The following DNAH12 variants were observed in gnomAD, a reference collection of about 807,000 sequenced individuals.
DNAH12 encodes axonemal beta dynein heavy chain 12.
Under a neutral mutation model 371.5 loss-of-function variants are expected in DNAH12, and 285 were observed. That is an observed-to-expected ratio of 0.77 (90% CI 0.70 to 0.85). The LOEUF (loss-of-function observed/expected upper bound fraction) is 0.85, where lower values mean the gene tolerates loss of function less well. Among genes scored for constraint, DNAH12 ranks in the 40% least tolerant of loss-of-function variants. The pLI is 0.00. For missense variants in DNAH12, 3,611 were observed against 3,689.4 expected (o/e 0.98, Z 0.55); for synonymous variants, 1,200 against 1,213.0 (o/e 0.99, Z 0.22).
chr3:57,450,597 C>T (rs2065730391), intron 25 of DNAH12, among the ~76,000 whole-genome samples: 1 of 152,168 alleles, frequency 6.6e-6, no homozygotes, highest in Admixed American at 6.6e-5. Flanking sequence ...AGTTGTTAGC[C>T]CCCACCTTAC....
intron 58 of DNAH12, among the ~76,000 whole-genome samples, chr3:57,361,121 G>A (rs1417881463): frequency 2.6e-5 from 4 of 151,738 alleles, no homozygotes; most frequent in East Asian, 1.9e-4. Context: ...AGGCCGAGAC[G>A]GGTAGATCAC....
At chr3:57,307,345 T>G (rs1228069636) in intron 69 of DNAH12, among the ~76,000 whole-genome samples, 2 of 152,160 alleles carry the variant, frequency 1.3e-5, no homozygotes, top group African/African-American at 4.8e-5. Context: ...TGAAGACAGC[T>G]TTAGAGACTG....
At position 57,295,508 on chromosome 3, in the gene DNAH12, G is replaced by A. The variant is rs1667284843; in HGVS notation, c.11692+17C>T. 6.5e-7 allele frequency: 1 copy of A among 1,542,394 alleles called. No individual in the cohort carries two copies. The highest frequency in any genetic ancestry group is 2.0e-5 in the Admixed American group (1 of 49,572). On this transcript the variant is annotated intron_variant, in intron 73 of 73. Transcript: ENST00000495027. ...TCTCCCTAAACTTCAAATAAATTTT[G>A]TTGAGAGAATATTTACTTGGTTTTA...
chr3:57,488,300 C>A (rs946530534), intron 12 of DNAH12, among the ~76,000 whole-genome samples: 25 of 152,286 alleles, frequency 1.6e-4, no homozygotes, highest in African/African-American at 6.0e-4. Context: ...TCAAGCGATT[C>A]TCCTGCCTCA....
chr3:57,449,423 C>CAGT, intron 25 of DNAH12, among the ~76,000 whole-genome samples: 1 of 152,112 alleles, frequency 6.6e-6, no homozygotes, highest in Non-Finnish European at 1.5e-5. Context: ...AGGCTCCGGC[C>CAGT]GCACAGGAGC....
At chr3:57,477,205 A>G (rs1270757241) in intron 13 of DNAH12, among the ~76,000 whole-genome samples, 1 of 152,200 alleles carries the variant, frequency 6.6e-6, no homozygotes, top group Non-Finnish European at 1.5e-5. Context: ...CGGCACCTGG[A>G]AAATCAGGTC....
At chr3:57,458,753 A>G (rs975635067) in intron 20 of DNAH12, among the ~76,000 whole-genome samples, 57 of 152,324 alleles carry the variant, frequency 3.7e-4, no homozygotes, top group African/African-American at 1.3e-3. Context: ...ACACTCATTC[A>G]TTTACAGATT....
chr3:57,365,468 G>T (rs949896395), intron 57 of DNAH12, among the ~76,000 whole-genome samples: 2 of 152,154 alleles, frequency 1.3e-5, no homozygotes, highest in Non-Finnish European at 2.9e-5. Flanking sequence ...GGGTGGGTAG[G>T]AGGAGGGAGA....
chr3:57,523,433 T>C lies in DNAH12; in HGVS notation c.279+150A>G, dbSNP rs866680026. 3 of 623,654 alleles carry C rather than the reference T, an allele frequency of 4.8e-6. No homozygotes were observed. The Middle Eastern group carries it at 8.4e-4, about 174-fold the overall frequency. The allele number at this position is 623,654 out of a possible 1,614,324, so 38.6% of individuals were successfully genotyped here. The stretch of plus-strand genomic sequence containing the variant: ...TTGCCATATTGTTGTTCATGACATG[T>C]TTGCTCCCTTGGGAAGAGAAAATAA... On this transcript the variant is annotated intron_variant, in intron 4 of 73. Transcript: ENST00000495027.
chr3:57,548,472 G>T (rs530657340), upstream of DNAH12, among the ~76,000 whole-genome samples: 1 of 152,148 alleles, frequency 6.6e-6, no homozygotes, highest in Non-Finnish European at 1.5e-5. Flanking sequence ...ACTTTGGAAG[G>T]CTGAGGTGGA....
intron 45 of DNAH12, among the ~76,000 whole-genome samples, chr3:57,389,491 G>A (rs937377050): frequency 0.011 from 1,652 of 151,934 alleles, 22 homozygotes; most frequent in African/African-American, 0.037. Flanking sequence ...CGTTCTTTCC[G>A]TCTTGTTGTT....
Position 57,504,182 on chromosome 3 carries a change from G to T in DNAH12, c.920C>A (p.Thr307Asn). 1 of 1,612,812 alleles carries T rather than the reference G, an allele frequency of 6.2e-7. No individual in the cohort carries two copies. The highest frequency in any genetic ancestry group is 8.5e-7 in the Non-Finnish European group (1 of 1,179,346). ...AAAGAGTTTTACAAATCCTTCTACA[G>T]TTCTCCTTAATAGATCCTTTAGCTG... ...SNQLKDLLRR[T>N]VEGFVKLFDP... Residue 307 changes from threonine (T) to asparagine (N), a missense_variant, in exon 9 of 74, where the codon ACT becomes AAT. Physicochemically the swap from Thr to Asn is moderately conservative, Grantham distance 65 (BLOSUM62 0). Around this residue, in one of 3 missense-constraint regions of DNAH12, gnomAD observed 1,314 missense variants for 1,398.7 expected, o/e 0.94. Transcript: ENST00000495027.
intron 2 of DNAH12, among the ~76,000 whole-genome samples, chr3:57,542,313 A>G (rs2069326205): frequency 6.6e-6 from 1 of 152,204 alleles, no homozygotes; most frequent in Non-Finnish European, 1.5e-5. Context: ...GTATGGTTAT[A>G]ATATATTGAA....
chr3:57,493,311 A>G (rs2067195389), intron 11 of DNAH12, among the ~76,000 whole-genome samples: 4 of 152,212 alleles, frequency 2.6e-5, no homozygotes, highest in African/African-American at 9.6e-5. Flanking sequence ...ATTCAAATAA[A>G]AGACAATACA....
rs36020852 is a variant in DNAH12 at position 57,301,864 on chromosome 3, T to C, written c.11265A>G (p.Ala3755=). The change falls in exon 70 of 74, where the codon GCA becomes GCG. Residue 3755 remains alanine (A), a synonymous_variant. Transcript: ENST00000495027. ...GTAAGCTACCGGAGAGTGCCTCCAA[T>C]GCAGAATCCATCACAACCACACCCT... The part of the protein sequence containing the change: ...AIKGVVVMDS[A]LEALSGSLLV... 31 of 1,551,516 alleles carry C rather than the reference T, an allele frequency of 2.0e-5. No individual in the cohort carries two copies. In the African/African-American group the frequency reaches 3.4e-4, roughly 17 times the overall value.
At chr3:57,497,461 A>G (rs1425164611) in intron 11 of DNAH12, among the ~76,000 whole-genome samples, 1 of 152,234 alleles carries the variant, frequency 6.6e-6, no homozygotes, top group Non-Finnish European at 1.5e-5. Context: ...GATTTTCAAC[A>G]AAGATGGCAA....
intron 62 of DNAH12, among the ~76,000 whole-genome samples, chr3:57,329,657 G>C (rs1181664786): frequency 6.8e-6 from 1 of 147,994 alleles, no homozygotes; most frequent in Non-Finnish European, 1.5e-5. Flanking sequence ...CATGGTCAAG[G>C]ACTTCATGTC....
intron 12 of DNAH12, among the ~76,000 whole-genome samples, chr3:57,486,219 A>G (rs1396716501): frequency 6.6e-6 from 1 of 151,470 alleles, no homozygotes; most frequent in Non-Finnish European, 1.5e-5. Context: ...TAACAAAACC[A>G]CTTATACCCC....
chr3:57,507,098 G>A (rs927141450), intron 8 of DNAH12, among the ~76,000 whole-genome samples: 2 of 151,666 alleles, frequency 1.3e-5, no homozygotes, highest in Non-Finnish European at 2.9e-5. Flanking sequence ...TTTACTGAAA[G>A]GGAAAGTTTT....
Sources: gnomAD v4.1 joint callset for allele counts (sites outside exome capture counted in the v4.1 genomes callset) on GRCh38, gnomAD v4.1.1 for gene constraint, gnomAD v4.1.1 regional missense constraint, MANE v1.5 for transcripts, NCBI Gene and HGNC (gene_info 2026-07-23, HGNC 2026-07-21) for gene names.